Variants in ZNF569 observed in about 807,000 individuals in gnomAD.
The protein encoded by ZNF569 is DNA-binding protein.
Under a neutral mutation model 56.3 loss-of-function variants are expected in ZNF569, and 38 were observed. That is an observed-to-expected ratio of 0.68 (90% CI 0.52 to 0.88). The LOEUF is 0.88. Among genes scored for constraint, ZNF569 ranks in the 40% least tolerant of loss-of-function variants. The pLI is 0.00. For missense variants in ZNF569, 666 were observed against 809.2 expected, an observed-to-expected ratio of 0.82 and a Z score of 2.15; for synonymous variants, 241 against 262.9, an observed-to-expected ratio of 0.92 and a Z score of 0.81.
At chr19:37,462,908 T>C (rs1363701487) in intron 2 of ZNF569, among the ~76,000 whole-genome samples, 4 of 152,218 alleles carry the variant, frequency 2.6e-5, no homozygotes, top group Non-Finnish European at 5.9e-5. Flanking sequence ...TTCATACTTG[T>C]ATATCCAACT....
At chr19:37,454,785 T>C (rs1046998270) in intron 2 of ZNF569, 3 of 699,176 alleles carry the variant, frequency 4.3e-6, no homozygotes, top group Admixed American at 2.0e-5. Flanking sequence ...TTAGCTGACA[T>C]TCACACTTTA....
chr19:37,457,581 G>C (rs546291827), intron 2 of ZNF569, among the ~76,000 whole-genome samples: 4 of 151,594 alleles, frequency 2.6e-5, no homozygotes, highest in Non-Finnish European at 4.4e-5. Flanking sequence ...GCAAACTATC[G>C]CAAGGACAGA....
At chr19:37,433,036 A>G (rs1446065994) in intron 3 of ZNF569, among the ~76,000 whole-genome samples, 8 of 151,356 alleles carry the variant, frequency 5.3e-5, no homozygotes, top group Admixed American at 2.0e-4. Flanking sequence ...CCCAAAGAGC[A>G]GGGACCACAG....
In ZNF569 at chr19:37,414,104, G is replaced by A. The variant is rs751286253; in HGVS notation, c.554C>T (p.Pro185Leu). ...TTTTCCACAATGATTACACTTAAAGGGGGTAATGACAAAATGGGATGAGCT... is the reference window on the plus strand; with the variant it reads ...TTTTCCACAATGATTACACTTAAAGAGGGTAATGACAAAATGGGATGAGCT... Reference protein sequence around the residue: ...GNSSSHFVITPFKCNHCGKGF... With the variant: ...GNSSSHFVITLFKCNHCGKGF... The change falls in exon 6 of 6, where the codon CCC becomes CTC. Residue 185 changes from proline to leucine, a missense_variant. Pro to Leu is a moderately conservative substitution (Grantham distance 98). Coordinates refer to ENST00000316950, the MANE Select transcript of ZNF569 (RefSeq NM_152484.3). 6.2e-7 allele frequency: 1 copy of A among 1,613,642 alleles called. No individual in the cohort carries two copies. The highest frequency in any genetic ancestry group is 1.3e-5 in the African/African-American group (1 of 74,878).
intron 3 of ZNF569, among the ~76,000 whole-genome samples, chr19:37,433,157 T>C (rs1242284639): frequency 1.3e-5 from 2 of 152,116 alleles, no homozygotes; most frequent in African/African-American, 2.4e-5. Context: ...GCTCAAGTGA[T>C]CCTCATGCTT....
At chr19:37,424,247 C>T (rs2041086632) in intron 5 of ZNF569, among the ~76,000 whole-genome samples, 1 of 152,116 alleles carries the variant, frequency 6.6e-6, no homozygotes, top group South Asian at 2.1e-4. Context: ...CTATAAATGT[C>T]AGTAGGTTTG....
chr19:37,414,832 T>C (rs2040901722), intron 5 of ZNF569, among the ~76,000 whole-genome samples: 1 of 152,140 alleles, frequency 6.6e-6, no homozygotes, highest in African/African-American at 2.4e-5. Flanking sequence ...CTTTTCTGGA[T>C]TGTAAATTAC....
chr19:37,457,936 G>A (rs369721559), intron 2 of ZNF569, among the ~76,000 whole-genome samples: 6 of 151,934 alleles, frequency 3.9e-5, no homozygotes, highest in African/African-American at 1.2e-4. Flanking sequence ...CTGGAGGAGC[G>A]CATGGCTCGC....
Position 37,412,972 on chromosome 19 carries a change from G to A in ZNF569, c.1686C>T (p.Cys562=). The A allele has an allele frequency of 6.2e-7, 1 of 1,613,464 alleles. No individual in the cohort carries two copies. Among genetic ancestry groups the A allele is most frequent in the Non-Finnish European group, 8.5e-7 (1 of 1,179,758 alleles). Reference sequence around the variant, plus strand: ...TTCTCATATGTAAATTAAGCAGTGAGCACTGAGAGAAGGCTTTACCACATT... The same window carrying A: ...TTCTCATATGTAAATTAAGCAGTGAACACTGAGAGAAGGCTTTACCACATT... ...CDKCGKAFSQ[C]SLLNLHMRSH... Residue 562 remains cysteine (C), a synonymous_variant, in exon 6 of 6, where the codon TGC becomes TGT. Coordinates refer to ENST00000316950, the MANE Select transcript of ZNF569 (RefSeq NM_152484.3).
chr19:37,424,519 A>G (rs367783509), intron 5 of ZNF569, among the ~76,000 whole-genome samples: 1 of 152,044 alleles, frequency 6.6e-6, no homozygotes, highest in Non-Finnish European at 1.5e-5. Flanking sequence ...TTGTACTACA[A>G]AAGTGTACAT....
intron 3 of ZNF569, among the ~76,000 whole-genome samples, chr19:37,435,225 T>C (rs1293690364): frequency 6.6e-6 from 1 of 152,206 alleles, no homozygotes; most frequent in Non-Finnish European, 1.5e-5. Flanking sequence ...TTGGCCTGTT[T>C]GTTTATGCAA....
At chr19:37,447,467 T>C (rs1222320516) in intron 2 of ZNF569, among the ~76,000 whole-genome samples, 4 of 152,226 alleles carry the variant, frequency 2.6e-5, no homozygotes, top group Non-Finnish European at 5.9e-5. Flanking sequence ...ATATGACACA[T>C]TAATTTAACT....
intron 3 of ZNF569, among the ~76,000 whole-genome samples, chr19:37,435,828 G>T (rs112010813): frequency 5.9e-5 from 9 of 152,234 alleles, no homozygotes; most frequent in African/African-American, 2.2e-4. Context: ...ACCCAATGTT[G>T]GAGCACCCAG....
intron 3 of ZNF569, among the ~76,000 whole-genome samples, chr19:37,440,186 A>G (rs1391966374): frequency 1.3e-5 from 2 of 152,150 alleles, no homozygotes; most frequent in South Asian, 2.1e-4. Context: ...GTATACACCT[A>G]CTACGTATCC....
chr19:37,444,895 T>C lies in ZNF569; in HGVS notation c.15+12A>G, dbSNP rs760669212. 3 of 1,604,552 alleles carry C rather than the reference T, an allele frequency of 1.9e-6. No homozygotes were observed. The highest frequency in any genetic ancestry group is 1.7e-5 in the Admixed American group (1 of 58,398). ...AGTAAGGCAAGAAACAAATACACTA[T>C]TTAACATTTACCTGGGACTCAGTCA... On this transcript the variant is annotated intron_variant, in intron 3 of 5. Transcript: ENST00000316950.
rs1257461787 is a variant in ZNF569 at position 37,455,157 on chromosome 19, C to T, written c.-44+10156G>A. On this transcript the variant is annotated intron_variant, in intron 2 of 5. Coordinates refer to ENST00000316950, the MANE Select transcript of ZNF569 (RefSeq NM_152484.3). Reference sequence around the variant, plus strand: ...ATTTTGTCATGGGGCTCAAAAATACCTTGCAAATAAAGTTAGGATTAGGAT... The same window carrying T: ...ATTTTGTCATGGGGCTCAAAAATACTTTGCAAATAAAGTTAGGATTAGGAT... 2.4e-5 allele frequency: 8 copies of T among 337,932 alleles called. No homozygotes were observed. In the Admixed American group the frequency reaches 3.8e-4, roughly 16 times the overall value. The allele number at this position is 337,932 out of a possible 1,614,324, so 20.9% of individuals were successfully genotyped here. A position where few individuals can be genotyped will look rare whatever the true frequency, so the allele number is the denominator to read the frequency against.
chr19:37,426,900 A>G (rs1177861558), intron 3 of ZNF569, among the ~76,000 whole-genome samples: 1 of 152,238 alleles, frequency 6.6e-6, no homozygotes, highest in East Asian at 1.9e-4. Context: ...AATAGTTTAC[A>G]TGTACTGGAA....
In ZNF569 at chr19:37,448,938, G is replaced by T. The variant is rs145547748; in HGVS notation, c.-43-3974C>A. On this transcript the variant is annotated intron_variant, in intron 2 of 5. Coordinates refer to ENST00000316950, the MANE Select transcript of ZNF569 (RefSeq NM_152484.3). ...TTTGTTAAGGCAGAAGTGTAGTAAT[G>T]ATTTTTCTAATTATTTATATCATGT... Among the ~76,000 whole-genome samples, 1,288 of 152,160 alleles carry T rather than the reference G, an allele frequency of 8.5e-3. 18 individuals carry two copies. The highest frequency in any genetic ancestry group is 0.011 in the Non-Finnish European group (761 of 67,986).
intron 3 of ZNF569, among the ~76,000 whole-genome samples, chr19:37,431,270 G>A (rs575777332): frequency 6.3e-4 from 96 of 152,234 alleles, no homozygotes; most frequent in African/African-American, 2.2e-3. Flanking sequence ...AGTGCAGCTC[G>A]CAGCTCCAGG....
Sources: gnomAD v4.1 joint callset for allele counts (sites outside exome capture counted in the v4.1 genomes callset) on GRCh38, gnomAD v4.1.1 for gene constraint, MANE v1.5 for transcripts, NCBI Gene and HGNC (gene_info 2026-07-23, HGNC 2026-07-21) for gene names.